CDIP1: variants seen among roughly 807,000 people sequenced by gnomAD.
The protein encoded by CDIP1 is cell death inducing p53 target 1.
A neutral mutation model predicts 17.7 loss-of-function variants in CDIP1; 9 were observed. The observed-to-expected ratio is 0.51, with a 90% CI of 0.31 to 0.89. The LOEUF (loss-of-function observed/expected upper bound fraction) is 0.89. Among genes scored for constraint, CDIP1 ranks in the 40% least tolerant of loss-of-function variants. CDIP1 has a pLI of 0.05. For synonymous variants in CDIP1, 117 were observed against 109.5 expected (o/e 1.07, Z -0.43); for missense variants, 263 against 277.9 (o/e 0.95, Z 0.38).
chr16:4,513,416 C>T lies in CDIP1; in HGVS notation c.241+280G>A, dbSNP rs1463565574. ...CCAAGAGAGGGAAAGCCTTGCGGGT[C>T]ACCCACCCCTCTCCTGCACACAAGG... On this transcript the variant is annotated intron_variant, in intron 4 of 5. Coordinates refer to ENST00000567695, the MANE Select transcript of CDIP1 (RefSeq NM_013399.3). This position sits in a 1 kb window ranked among gnomAD's most constrained non-coding sequence, Gnocchi z 4.1. Among the ~76,000 whole-genome samples the T allele has an allele frequency of 6.6e-6, 1 of 152,154 alleles. No individual in the cohort carries two copies. The highest frequency in any genetic ancestry group is 1.9e-4 in the East Asian group (1 of 5,196).
intron 1 of CDIP1, among the ~76,000 whole-genome samples, chr16:4,527,878 G>GCAGT (rs1289069986): frequency 6.6e-6 from 1 of 152,188 alleles, no homozygotes; most frequent in East Asian, 1.9e-4. Flanking sequence ...ATGCAATGGT[G>GCAGT]CAGTCTAGGC....
intron 1 of CDIP1, among the ~76,000 whole-genome samples, chr16:4,531,871 T>A (rs1383942793): frequency 6.6e-6 from 1 of 152,226 alleles, no homozygotes; most frequent in Non-Finnish European, 1.5e-5. Flanking sequence ...TCCATTTACA[T>A]AGATTTCATG....
Position 4,513,077 on chromosome 16 carries a change from A to C in CDIP1, c.242-13T>G. ...GGAGGGTAGAAACCTGGAATGGCAC[A>C]GAAGATGGAGGCGAGAGGTCACTGG... is the stretch of plus-strand genomic sequence containing the variant. On this transcript the variant is annotated splice_polypyrimidine_tract_variant and intron_variant, in intron 4 of 5. Transcript: ENST00000567695. This position sits in a 1 kb window ranked among gnomAD's most constrained non-coding sequence, Gnocchi z 4.1. 1 of 1,576,080 alleles carries C rather than the reference A, an allele frequency of 6.3e-7. No individual in the cohort carries two copies. The highest frequency in any genetic ancestry group is 8.6e-7 in the Non-Finnish European group (1 of 1,166,700).
intron 1 of CDIP1, among the ~76,000 whole-genome samples, chr16:4,528,170 G>A (rs1245747845): frequency 6.6e-6 from 1 of 152,218 alleles, no homozygotes; most frequent in African/African-American, 2.4e-5. Flanking sequence ...AGCAGTGAGT[G>A]AAGAATAAAA....
intron 1 of CDIP1, among the ~76,000 whole-genome samples, chr16:4,520,333 G>A (rs1229934929): frequency 6.6e-6 from 1 of 152,098 alleles, no homozygotes; most frequent in Non-Finnish European, 1.5e-5. Context: ...TCAATCTCTT[G>A]ACCTCGTCAT....
At chr16:4,520,990 T>G (rs2141640109) in intron 1 of CDIP1, among the ~76,000 whole-genome samples, 1 of 152,340 alleles carries the variant, frequency 6.6e-6, no homozygotes. Context: ...ATACTTCATG[T>G]GTGCCTCATT....
chr16:4,513,976 T>TA lies in CDIP1; in HGVS notation c.85+69dup, dbSNP rs754732742. On this transcript the variant is annotated intron_variant, in intron 3 of 5. Coordinates refer to ENST00000567695, the MANE Select transcript of CDIP1 (RefSeq NM_013399.3). The surrounding 1 kb of genome is among the most constrained non-coding windows in gnomAD (Gnocchi z 4.1). ...TAACCCTGGAGTGGGCATCACCACT[T>TA]AGAGAGTCCCAACCATGCCATGGCG... The TA allele has an allele frequency of 1.2e-5, 16 of 1,339,204 alleles. No individual in the cohort carries two copies. The highest frequency in any genetic ancestry group is 1.5e-5 in the Non-Finnish European group (15 of 985,562). 83.0% of individuals were successfully genotyped at this position (1,339,204 alleles called of 1,614,324 possible).
At chr16:4,537,616 T>G (rs2059122299) in intron 1 of CDIP1, among the ~76,000 whole-genome samples, 1 of 152,198 alleles carries the variant, frequency 6.6e-6, no homozygotes, top group South Asian at 2.1e-4. Context: ...CAGCCCCAGC[T>G]GCGCCCGGGA....
Position 4,511,615 on chromosome 16 carries a change from G to A in CDIP1, c.*957C>T, listed in dbSNP as rs909045305. On this transcript the variant is annotated 3_prime_UTR_variant, in exon 6 of 6. Coordinates refer to ENST00000567695, the MANE Select transcript of CDIP1 (RefSeq NM_013399.3). ...GCAACAGCCTGTCAGCTGGGGTGAG[G>A]GGCCCGGCACTTACAGGGAAGAAAA... 2.0e-5 allele frequency: 3 copies of A among 152,380 alleles called. No homozygotes were observed. The highest frequency in any genetic ancestry group is 7.2e-5 in the African/African-American group (3 of 41,460). The allele number at this position is 152,380 out of a possible 1,614,324, so 9.4% of individuals were successfully genotyped here. A position where few individuals can be genotyped will look rare whatever the true frequency, so the allele number is the denominator to read the frequency against.
chr16:4,513,774 CAT>C lies in CDIP1; in HGVS notation c.161_162del (p.Tyr54Ter). On this transcript the variant is annotated frameshift_variant, in exon 4 of 6. Transcript: ENST00000567695. LOFTEE classifies it high-confidence loss of function. The surrounding 1 kb of genome is among the most constrained non-coding windows in gnomAD (Gnocchi z 4.1). ...TGGGGCATTGGGTGACCCGGCGGCT[CAT>C]AGGGTGGGGGGCCAATGTCCGCAGG... ...LPPADIGPPP[Y>X]EPPGHPMPQP... 1 of 1,611,254 alleles carries C rather than the reference CAT, an allele frequency of 6.2e-7. No individual in the cohort carries two copies. Among genetic ancestry groups the C allele is most frequent in the East Asian group, 2.2e-5 (1 of 44,776 alleles).
Position 4,512,178 on chromosome 16 carries a change from G to A in CDIP1, c.*394C>T, listed in dbSNP as rs2058837004. 8.2e-6 allele frequency: 2 copies of A among 243,260 alleles called. No individual in the cohort carries two copies. Among genetic ancestry groups the A allele is most frequent in the Middle Eastern group, 1.5e-3 (1 of 676 alleles). The allele number at this position is 243,260 out of a possible 1,614,324, so 15.1% of individuals were successfully genotyped here. On this transcript the variant is annotated 3_prime_UTR_variant, in exon 6 of 6. Transcript: ENST00000567695. This position sits in a 1 kb window ranked among gnomAD's most constrained non-coding sequence, Gnocchi z 4.6. ...CAGAAACGCCTGTGGCCACAGGCCT[G>A]GGGACTAACTGGCTAACTGCTCTGG...
At chr16:4,519,046 GGATT>G (rs2058917578) in intron 1 of CDIP1, among the ~76,000 whole-genome samples, 1 of 152,068 alleles carries the variant, frequency 6.6e-6, no homozygotes, top group Admixed American at 6.6e-5. Context: ...TTTAAATCTT[GGATT>G]TATTAATTGC....
At chr16:4,537,569 C>T (rs984925161) in intron 1 of CDIP1, among the ~76,000 whole-genome samples, 10 of 152,170 alleles carry the variant, frequency 6.6e-5, no homozygotes, top group African/African-American at 2.2e-4. Context: ...ACGTCCCTGC[C>T]CCCGGGCCCG....
chr16:4,526,656 C>T (rs1252839721), intron 1 of CDIP1, among the ~76,000 whole-genome samples: 6 of 150,262 alleles, frequency 4.0e-5, no homozygotes, highest in Non-Finnish European at 5.9e-5. Flanking sequence ...GCTGAGATCG[C>T]GCCACTACAC....
intron 1 of CDIP1, among the ~76,000 whole-genome samples, chr16:4,530,229 G>GTA (rs1339062535): frequency 6.6e-6 from 1 of 152,234 alleles, no homozygotes; most frequent in Non-Finnish European, 1.5e-5. Context: ...AGATGCAACA[G>GTA]TATATAGCAT....
intron 1 of CDIP1, among the ~76,000 whole-genome samples, chr16:4,525,361 T>C (rs571547991): frequency 6.6e-6 from 1 of 152,196 alleles, no homozygotes; most frequent in East Asian, 1.9e-4. Context: ...CCAGTGCTCA[T>C]TTCAGCATGA....
At chr16:4,517,366 C>G (rs2058899005) in intron 1 of CDIP1, among the ~76,000 whole-genome samples, 1 of 152,138 alleles carries the variant, frequency 6.6e-6, no homozygotes, top group Non-Finnish European at 1.5e-5. Context: ...TGGGGCGGGG[C>G]ATAAGTCTAG....
intron 1 of CDIP1, among the ~76,000 whole-genome samples, chr16:4,538,149 C>T (rs1014510092): frequency 3.3e-5 from 5 of 152,178 alleles, no homozygotes; most frequent in African/African-American, 1.2e-4. Flanking sequence ...GAAAAACGTG[C>T]GGGCGAGCAG....
Position 4,513,797 on chromosome 16 carries a change from G to C in CDIP1, c.140C>G (p.Ala47Gly). ...QPPPGMPLPP[A>G]DIGPPPYEPP... ...CTCATAGGGTGGGGGGCCAATGTCC[G>C]CAGGGGGCAGTGGCATGCCTGGAGG... Residue 47 changes from alanine to glycine, a missense_variant, in exon 4 of 6, where the codon GCG becomes GGG. By Grantham distance (60) the Ala-to-Gly change is moderately conservative. Coordinates refer to ENST00000567695, the MANE Select transcript of CDIP1 (RefSeq NM_013399.3). This position sits in a 1 kb window ranked among gnomAD's most constrained non-coding sequence, Gnocchi z 4.1. The C allele has an allele frequency of 6.3e-7, 1 of 1,598,314 alleles. No homozygotes were observed. Among genetic ancestry groups the C allele is most frequent in the Non-Finnish European group, 8.6e-7 (1 of 1,168,880 alleles).
Sources: gnomAD v4.1 joint callset for allele counts (sites outside exome capture counted in the v4.1 genomes callset) on GRCh38, gnomAD v4.1.1 for gene constraint, Gnocchi (gnomAD v3.1) non-coding constraint, MANE v1.5 for transcripts, NCBI Gene and HGNC (gene_info 2026-07-23, HGNC 2026-07-21) for gene names.